GABRG3: variants seen among roughly 807,000 people sequenced by gnomAD.
GABRG3 encodes gamma-aminobutyric acid type A receptor subunit gamma3.
Under a neutral mutation model 48.8 loss-of-function variants are expected in GABRG3, and 25 were observed. That is an observed-to-expected ratio of 0.51 (90% confidence interval 0.37 to 0.72). The LOEUF is 0.72. Among genes scored for constraint, GABRG3 ranks in the 30% least tolerant of loss-of-function variants. The probability of loss-of-function intolerance (pLI) is 0.00; values close to 1 mark genes in which losing one functional copy is unlikely to be tolerated. For synonymous variants in GABRG3, 227 were observed against 217.6 expected (o/e 1.04, Z -0.38); for missense variants, 394 against 577.9 (o/e 0.68, Z 3.26).
chr15:27,038,915 G>A (rs1896226478), intron 3 of GABRG3, among the ~76,000 whole-genome samples: 1 of 152,244 alleles, frequency 6.6e-6, no homozygotes, highest in African/African-American at 2.4e-5. Context: ...GGAGCCTGAG[G>A]AGATGTGTGC....
intron 3 of GABRG3, among the ~76,000 whole-genome samples, chr15:27,295,943 T>C (rs1891968718): frequency 6.6e-6 from 1 of 152,174 alleles, no homozygotes; most frequent in African/African-American, 2.4e-5. Flanking sequence ...GGGGAAATGG[T>C]AGCCCTTGAT....
intron 3 of GABRG3, among the ~76,000 whole-genome samples, chr15:27,258,576 A>G (rs1437488007): frequency 1.3e-5 from 2 of 151,456 alleles, no homozygotes; most frequent in African/African-American, 2.4e-5. Flanking sequence ...GCAAAAGAAG[A>G]CTCTTTTGCT....
chr15:27,528,328 A>G (rs1192098351), intron 9 of GABRG3, among the ~76,000 whole-genome samples: 1 of 152,246 alleles, frequency 6.6e-6, no homozygotes, highest in Non-Finnish European at 1.5e-5. Flanking sequence ...TTATAACTCA[A>G]AAATATGTAC....
At chr15:27,055,397 A>ATTTAGTATTTAT (rs1380041783) in intron 3 of GABRG3, among the ~76,000 whole-genome samples, 2 of 152,202 alleles carry the variant, frequency 1.3e-5, no homozygotes, top group African/African-American at 4.8e-5. Flanking sequence ...TTAGGAAGTC[A>ATTTAGTATTTAT]AAAGGAGATA....
intron 5 of GABRG3, among the ~76,000 whole-genome samples, chr15:27,462,717 G>A (rs6497276): frequency 0.016 from 2,487 of 152,180 alleles, 80 homozygotes; most frequent in African/African-American, 0.058. Context: ...CCACAATTTA[G>A]TATCCTACTA....
In GABRG3 at chr15:27,537,312, A is replaced by C. The variant is rs191940381; in HGVS notation, c.*4431A>C. ...AGAACCAGACTACGAATACATTGGA[A>C]ATGTTAAATTTACAATATTCTCCTG... On this transcript the variant is annotated 3_prime_UTR_variant, in exon 10 of 10. Coordinates refer to ENST00000615808, the MANE Select transcript of GABRG3 (RefSeq NM_033223.5). 1.3e-4 allele frequency: 20 copies of C among 152,298 alleles called. No individual in the cohort carries two copies. The highest frequency in any genetic ancestry group is 2.0e-4 in the Admixed American group (3 of 15,292). 9.4% of individuals were successfully genotyped at this position (152,298 alleles called of 1,614,324 possible).
intron 5 of GABRG3, among the ~76,000 whole-genome samples, chr15:27,463,804 G>A (rs1183223417): frequency 1.3e-5 from 2 of 152,190 alleles, no homozygotes; most frequent in African/African-American, 4.8e-5. Context: ...GGGGGAGGCT[G>A]ACAGCTGTTC....
chr15:27,202,239 C>A (rs1473170397), intron 3 of GABRG3, among the ~76,000 whole-genome samples: 1 of 152,060 alleles, frequency 6.6e-6, no homozygotes, highest in Non-Finnish European at 1.5e-5. Context: ...AGGTTAGATT[C>A]TTATTAAAGA....
chr15:27,140,172 A>G (rs1870974599), intron 3 of GABRG3, among the ~76,000 whole-genome samples: 1 of 152,152 alleles, frequency 6.6e-6, no homozygotes, highest in Non-Finnish European at 1.5e-5. Flanking sequence ...CCAAACACAA[A>G]TAGGGGGTTG....
intron 3 of GABRG3, among the ~76,000 whole-genome samples, chr15:27,257,309 G>C (rs938539928): frequency 2.0e-5 from 3 of 151,756 alleles, no homozygotes; most frequent in Non-Finnish European, 4.4e-5. Flanking sequence ...ATCCCTTATC[G>C]AATGTACAAT....
At chr15:27,185,876 A>G (rs1595572445) in intron 3 of GABRG3, among the ~76,000 whole-genome samples, 1 of 152,082 alleles carries the variant, frequency 6.6e-6, no homozygotes, top group Non-Finnish European at 1.5e-5. Flanking sequence ...TTAATTTTAT[A>G]TATTTTTTCA....
chr15:27,508,571 T>A (rs7495410), intron 6 of GABRG3, among the ~76,000 whole-genome samples: 1 of 152,192 alleles, frequency 6.6e-6, no homozygotes, highest in East Asian at 1.9e-4. Context: ...TCCAACACTC[T>A]TCATTTCTTT....
At chr15:26,982,001 A>G (rs933306270) in intron 2 of GABRG3, among the ~76,000 whole-genome samples, 1 of 152,178 alleles carries the variant, frequency 6.6e-6, no homozygotes, top group African/African-American at 2.4e-5. Flanking sequence ...TGCCTCTCCT[A>G]TGCAATGAAA....
chr15:27,134,067 C>T (rs1897965905), intron 3 of GABRG3, among the ~76,000 whole-genome samples: 1 of 152,148 alleles, frequency 6.6e-6, no homozygotes, highest in African/African-American at 2.4e-5. Context: ...CTGTTTATCT[C>T]CCACCACCAA....
At chr15:27,083,122 A>G (rs1212046042) in intron 3 of GABRG3, among the ~76,000 whole-genome samples, 1 of 152,238 alleles carries the variant, frequency 6.6e-6, no homozygotes, top group East Asian at 1.9e-4. Flanking sequence ...GATAACTTAC[A>G]AGCTCTAGGC....
At chr15:27,381,621 G>A (rs1279551024) in intron 5 of GABRG3, among the ~76,000 whole-genome samples, 2 of 152,236 alleles carry the variant, frequency 1.3e-5, no homozygotes, top group East Asian at 3.8e-4. Context: ...AGTTTTGGAA[G>A]CAGTGATTTG....
chr15:26,994,969 G>A (rs1378802798), intron 2 of GABRG3, among the ~76,000 whole-genome samples: 1 of 152,028 alleles, frequency 6.6e-6, no homozygotes, highest in Admixed American at 6.5e-5. Context: ...AGTCTGGTAA[G>A]TCTCATCATT....
In GABRG3 at chr15:27,461,555, C is replaced by G. The variant is rs1401068872; in HGVS notation, c.575-19095C>G. Among the ~76,000 whole-genome samples, 22 of 152,158 alleles carry G rather than the reference C, an allele frequency of 1.4e-4. 1 individual carries two copies. Among genetic ancestry groups the G allele is most frequent in the Admixed American group, 1.2e-3 (19 of 15,276 alleles). ...AGCTTACACAGCATGGAAGAGGACT[C>G]CAGGAGGTTGTCACTGCTGGCATGG... On this transcript the variant is annotated intron_variant, in intron 5 of 9. Coordinates refer to ENST00000615808, the MANE Select transcript of GABRG3 (RefSeq NM_033223.5).
chr15:27,308,539 TATATA>T (rs1219821181), intron 3 of GABRG3, among the ~76,000 whole-genome samples: 4 of 139,322 alleles, frequency 2.9e-5, no homozygotes, highest in Non-Finnish European at 4.5e-5. Flanking sequence ...TATATAAACA[TATATA>T]ATGTAAACAT....
Sources: gnomAD v4.1 joint callset for allele counts (sites outside exome capture counted in the v4.1 genomes callset) on GRCh38, gnomAD v4.1.1 for gene constraint, MANE v1.5 for transcripts, NCBI Gene and HGNC (gene_info 2026-07-23, HGNC 2026-07-21) for gene names.